The following DPYD variants were observed in gnomAD, a reference collection of about 807,000 sequenced individuals.
The protein encoded by DPYD is dihydropyrimidine dehydrogenase.
A neutral mutation model predicts 116.2 loss-of-function variants in DPYD; 109 were observed. That is an observed-to-expected ratio of 0.94 (90% CI 0.80 to 1.10). The LOEUF is 1.10. Among genes scored for constraint, DPYD ranks in the 50% least tolerant of loss-of-function variants. DPYD has a pLI of 0.00. For synonymous variants in DPYD, 440 were observed against 432.0 expected, an observed-to-expected ratio of 1.02 and a Z score of -0.23; for missense variants, 1,302 against 1,254.5, an observed-to-expected ratio of 1.04 and a Z score of -0.57.
chr1:97,326,017 T>G (rs574556985), intron 16 of DPYD, among the ~76,000 whole-genome samples: 1 of 151,510 alleles, frequency 6.6e-6, no homozygotes, highest in African/African-American at 2.4e-5. Flanking sequence ...TATATGTCTA[T>G]GGGGTGAGAG....
At chr1:97,666,913 T>G (rs1010128248) in intron 8 of DPYD, among the ~76,000 whole-genome samples, 2 of 152,202 alleles carry the variant, frequency 1.3e-5, no homozygotes, top group African/African-American at 4.8e-5. Flanking sequence ...CTTAAAATGT[T>G]TTTTCTTAAA....
chr1:97,714,500 C>T (rs1389847581), intron 5 of DPYD, among the ~76,000 whole-genome samples: 1 of 151,952 alleles, frequency 6.6e-6, no homozygotes, highest in East Asian at 1.9e-4. Context: ...TGACCCACCA[C>T]GCCTGGCCCA....
intron 16 of DPYD, among the ~76,000 whole-genome samples, chr1:97,366,625 C>T (rs937587244): frequency 3.3e-5 from 5 of 152,096 alleles, no homozygotes; most frequent in South Asian, 4.1e-4. Flanking sequence ...ATGCTGATTC[C>T]GGCATAACTA....
At chr1:97,122,193 G>C (rs1652496081) in intron 20 of DPYD, among the ~76,000 whole-genome samples, 1 of 152,106 alleles carries the variant, frequency 6.6e-6, no homozygotes, top group Non-Finnish European at 1.5e-5. Flanking sequence ...GATGAAAAGA[G>C]AGATAATTCT....
chr1:97,361,530 A>C (rs1218382006), intron 16 of DPYD, among the ~76,000 whole-genome samples: 3 of 152,240 alleles, frequency 2.0e-5, no homozygotes, highest in African/African-American at 7.2e-5. Context: ...AAAAACCCTG[A>C]TGAATATCGA....
intron 2 of DPYD, among the ~76,000 whole-genome samples, chr1:97,850,041 C>T (rs371648773): frequency 1.3e-5 from 2 of 152,036 alleles, no homozygotes; most frequent in South Asian, 4.1e-4. Context: ...TAAACAAACA[C>T]AAGCAATGGA....
intron 8 of DPYD, among the ~76,000 whole-genome samples, chr1:97,598,808 A>C (rs1655056911): frequency 1.3e-5 from 2 of 152,188 alleles, no homozygotes; most frequent in South Asian, 4.1e-4. Context: ...CATTTTAAAT[A>C]TGAGGAAATT....
rs755192548 is a variant in DPYD, at chr1:97,721,493, G to A, written c.483+17C>T. 1.4e-5 allele frequency: 23 copies of A among 1,610,270 alleles called. No homozygotes were observed. The highest frequency in any genetic ancestry group is 8.8e-5 in the South Asian group (8 of 90,974). On this transcript the variant is annotated intron_variant, in intron 5 of 22. Transcript: ENST00000370192. ...GGTGATGGTAGTGGGGGGATGTCAC[G>A]TGTATATCATACATACCTCAGTAGC...
At position 97,088,047 on chromosome 1, in the gene DPYD, C is replaced by T. The variant is rs529110140; in HGVS notation, c.2767-5577G>A. On this transcript the variant is annotated intron_variant, in intron 21 of 22. Coordinates refer to ENST00000370192, the MANE Select transcript of DPYD (RefSeq NM_000110.4). Reference sequence around the variant, plus strand: ...ATTGGTAATGTGATCTGTCTTTTCTCATATAAGCACCAAACACTGAGTTAT... The same window carrying T: ...ATTGGTAATGTGATCTGTCTTTTCTTATATAAGCACCAAACACTGAGTTAT... Among the ~76,000 whole-genome samples the T allele has an allele frequency of 2.6e-5, 4 of 152,294 alleles. 1 individual carries two copies. Among genetic ancestry groups the T allele is most frequent in the South Asian group, 4.1e-4 (2 of 4,824 alleles).
chr1:97,394,513 C>T (rs1293641611), intron 14 of DPYD: 1 of 151,992 alleles, frequency 6.6e-6, no homozygotes, highest in Non-Finnish European at 1.5e-5. Context: ...GTGTTCGTGG[C>T]ACCTGAAAGC....
intron 18 of DPYD, among the ~76,000 whole-genome samples, chr1:97,241,005 T>A (rs1485203112): frequency 6.6e-6 from 1 of 151,930 alleles, no homozygotes; most frequent in African/African-American, 2.4e-5. Flanking sequence ...AGAGAAGAAA[T>A]GGAAAAAATA....
At chr1:97,694,424 C>T (rs556614084) in intron 6 of DPYD, among the ~76,000 whole-genome samples, 2 of 152,254 alleles carry the variant, frequency 1.3e-5, no homozygotes, top group South Asian at 2.1e-4. Context: ...GGAGGGAAGG[C>T]TTATTGTGGG....
At chr1:97,776,815 C>T (rs2101187840) in intron 3 of DPYD, among the ~76,000 whole-genome samples, 1 of 152,230 alleles carries the variant, frequency 6.6e-6, no homozygotes, top group Admixed American at 6.5e-5. Context: ...AGGAAACCTG[C>T]TTAAAGTTTT....
intron 16 of DPYD, among the ~76,000 whole-genome samples, chr1:97,362,959 T>A (rs1401578706): frequency 6.6e-6 from 1 of 152,206 alleles, no homozygotes; most frequent in Admixed American, 6.5e-5. Context: ...AAATGGGATC[T>A]AATTAAACTA....
intron 2 of DPYD, among the ~76,000 whole-genome samples, chr1:97,874,318 C>T (rs557964266): frequency 1.3e-5 from 2 of 151,974 alleles, no homozygotes; most frequent in African/African-American, 4.8e-5. Context: ...GTATCAGATA[C>T]TCAAAAATGC....
chr1:97,361,454 T>A (rs949069422), intron 16 of DPYD, among the ~76,000 whole-genome samples: 13 of 152,230 alleles, frequency 8.5e-5, no homozygotes, highest in African/African-American at 3.1e-4. Context: ...ACTCATCTTA[T>A]GAGGCCAGCA....
chr1:97,174,965 T>C (rs1171393330), intron 20 of DPYD, among the ~76,000 whole-genome samples: 1 of 152,156 alleles, frequency 6.6e-6, no homozygotes, highest in Admixed American at 6.6e-5. Context: ...ATAAATGAAA[T>C]CATTTGGTAA....
intron 19 of DPYD, among the ~76,000 whole-genome samples, chr1:97,218,189 T>C (rs61637399): frequency 0.36 from 55,352 of 151,874 alleles, 10,364 homozygotes; most frequent in East Asian, 0.54. Context: ...ATGTTAAAAC[T>C]AACAACAGGG....
intron 18 of DPYD, among the ~76,000 whole-genome samples, chr1:97,289,840 C>T (rs1666009039): frequency 2.0e-5 from 3 of 150,514 alleles, no homozygotes; most frequent in African/African-American, 7.3e-5. Flanking sequence ...CTGGCCAGGG[C>T]AATTAGGCAG....
Sources: allele counts gnomAD v4.1 joint callset (sites outside exome capture counted in the v4.1 genomes callset), GRCh38; gene constraint gnomAD v4.1.1; transcripts MANE v1.5; gene names NCBI Gene and HGNC (gene_info 2026-07-23, HGNC 2026-07-21).